ESCO2: variants seen among roughly 807,000 people sequenced by gnomAD.
ESCO2 encodes the protein N-acetyltransferase ESCO2.
Under a neutral mutation model 61.7 loss-of-function variants are expected in ESCO2, and 51 were observed. The observed-to-expected ratio is 0.83, with a 90% CI of 0.66 to 1.04. ESCO2 has a LOEUF of 1.04. Ranked by LOEUF, ESCO2 falls within the 50% of genes least tolerant of loss-of-function variation. The pLI is 0.00. For missense variants in ESCO2, 692 were observed against 686.2 expected (o/e 1.01, Z -0.09); for synonymous variants, 230 against 238.2 (o/e 0.97, Z 0.32).
chr8:27,788,443 TA>T (rs986803530), intron 6 of ESCO2, among the ~76,000 whole-genome samples: 2 of 152,130 alleles, frequency 1.3e-5, no homozygotes, highest in African/African-American at 4.8e-5. Context: ...CTTGTAAAAA[TA>T]AAAAAATCTT....
chr8:27,772,388 G>A, upstream of ESCO2: 1 of 906,070 alleles, frequency 1.1e-6, no homozygotes, highest in Non-Finnish European at 1.8e-6. Flanking sequence ...CCGAGAGGCC[G>A]CGGGAAGAGG....
At chr8:27,815,254 A>G (rs1039112540), downstream of ESCO2, among the ~76,000 whole-genome samples, 10 of 152,366 alleles carry the variant, frequency 6.6e-5, no homozygotes, top group Admixed American at 6.5e-4. Context: ...ATTCCAGTTA[A>G]CAAGCACTCA....
Position 27,780,286 on chromosome 8 carries a change from GA to G in ESCO2, c.955+21del. 1.4e-6 allele frequency: 2 copies of G among 1,386,440 alleles called. No individual in the cohort carries two copies. The highest frequency in any genetic ancestry group is 2.3e-5 in the South Asian group (2 of 86,084). 85.9% of individuals were successfully genotyped at this position (1,386,440 alleles called of 1,614,324 possible). A position where few individuals can be genotyped will look rare whatever the true frequency, so the allele number is the denominator to read the frequency against. ...AAGACAAGTAAGAGAAAACTCGCAT[GA>G]ATTTAGCTGCTTAAAATAATGCTTT... On this transcript the variant is annotated intron_variant, in intron 4 of 10. Coordinates refer to ENST00000305188, the MANE Select transcript of ESCO2 (RefSeq NM_001017420.3).
chr8:27,798,493 A>G (rs1805353859), intron 9 of ESCO2, among the ~76,000 whole-genome samples: 1 of 152,046 alleles, frequency 6.6e-6, no homozygotes, highest in African/African-American at 2.4e-5. Flanking sequence ...TGTATTTACT[A>G]TATGATCCAG....
chr8:27,802,630 A>AAAAATAT (rs1554557661), intron 10 of ESCO2, among the ~76,000 whole-genome samples: 19 of 45,836 alleles, frequency 4.1e-4, no homozygotes, highest in African/African-American at 1.4e-3. Flanking sequence ...AAAAAAAAAA[A>AAAAATAT]ATATATATAT....
chr8:27,806,106 T>C (rs1258784267), downstream of ESCO2, among the ~76,000 whole-genome samples: 1 of 152,180 alleles, frequency 6.6e-6, no homozygotes, highest in African/African-American at 2.4e-5. Flanking sequence ...TGCATGGAAA[T>C]TTCTAGAAGT....
rs369338792 is a variant in ESCO2, at chr8:27,780,282, G to C, written c.955+15G>C. The C allele has an allele frequency of 8.7e-6, 13 of 1,492,962 alleles. No individual in the cohort carries two copies. The African/African-American group carries it at 1.2e-4, about 14-fold the overall frequency. 92.5% of individuals were successfully genotyped at this position (1,492,962 alleles called of 1,614,324 possible). ...GAATAAGACAAGTAAGAGAAAACTC[G>C]CATGAATTTAGCTGCTTAAAATAAT... On this transcript the variant is annotated intron_variant, in intron 4 of 10. Coordinates refer to ENST00000305188, the MANE Select transcript of ESCO2 (RefSeq NM_001017420.3).
intron 4 of ESCO2, 36 bp from the exon 5 acceptor site, chr8:27,783,964 T>C (rs1394832388): frequency 6.5e-7 from 1 of 1,532,664 alleles, no homozygotes; most frequent in Non-Finnish European, 9.0e-7. Flanking sequence ...TGATTTTATT[T>C]GGTAATACAC....
chr8:27,782,758 A>G lies in ESCO2; in HGVS notation c.956-1242A>G, dbSNP rs142866954. ...TTTTTTAGGATGACAGGCGTGAGCCACTGCACTCGGCCTAGAGTGCAATTT... is the reference window on the plus strand; with the variant it reads ...TTTTTTAGGATGACAGGCGTGAGCCGCTGCACTCGGCCTAGAGTGCAATTT... On this transcript the variant is annotated intron_variant, in intron 4 of 10. Transcript: ENST00000305188. 3.2e-4 allele frequency among the ~76,000 whole-genome samples: 49 copies of G among 151,422 alleles called. 3 individuals are homozygous for G. In the East Asian group the frequency reaches 9.5e-3, roughly 29 times the overall value.
Position 27,803,481 on chromosome 8 carries a change from A to C in ESCO2, c.*43A>C. The stretch of plus-strand genomic sequence containing the variant: ...AAGGAGTTACTATCTGGATAAGTTC[A>C]AAGAGCTCCTTATTATAAAATACAA... On this transcript the variant is annotated 3_prime_UTR_variant, in exon 11 of 11. Transcript: ENST00000305188. 6.2e-7 allele frequency: 1 copy of C among 1,608,034 alleles called. No homozygotes were observed. The highest frequency in any genetic ancestry group is 8.5e-7 in the Non-Finnish European group (1 of 1,175,784).
downstream of ESCO2, among the ~76,000 whole-genome samples, chr8:27,809,143 G>C (rs1805620027): frequency 6.6e-6 from 1 of 152,182 alleles, no homozygotes; most frequent in South Asian, 2.1e-4. Context: ...GCTTGGCAAA[G>C]AAGAGTGACA....
Position 27,776,613 on chromosome 8 carries a change from TAA to T in ESCO2, c.308_309del (p.Lys103ArgfsTer3), listed in dbSNP as rs80359847. On this transcript the variant is annotated frameshift_variant, in exon 3 of 11. Transcript: ENST00000305188. LOFTEE classifies it high-confidence loss of function. The stretch of plus-strand genomic sequence containing the variant: ...CTCAATCCACTGGAGAGAAAGCTGA[TAA>T]AAGAGAGTAGATCTACTTGTCTAAA... 17 of 1,613,924 alleles carry T rather than the reference TAA, an allele frequency of 1.1e-5. No homozygotes were observed. Among genetic ancestry groups the T allele is most frequent in the East Asian group, 2.2e-5 (1 of 44,878 alleles).
chr8:27,810,914 T>A (rs1465003612), downstream of ESCO2: 1 of 1,211,426 alleles, frequency 8.3e-7, no homozygotes, highest in African/African-American at 1.5e-5. Flanking sequence ...ATCTTTAGTG[T>A]GAAATGAAGA....
chr8:27,810,198 T>C (rs1164921795), downstream of ESCO2: 9 of 729,924 alleles, frequency 1.2e-5, no homozygotes, highest in Non-Finnish European at 2.1e-5. Flanking sequence ...GAAACTATGG[T>C]CCTCAAATAT....
chr8:27,818,150 G>A, the ESCO2 span, among the ~76,000 whole-genome samples: 103 of 152,294 alleles, frequency 6.8e-4, no homozygotes, highest in Middle Eastern at 0.01. Context: ...AGGTGCTAAT[G>A]GCCATGCAGC....
intron 9 of ESCO2, among the ~76,000 whole-genome samples, chr8:27,798,160 C>CT (rs966955476): frequency 1.3e-5 from 2 of 152,120 alleles, no homozygotes; most frequent in African/African-American, 4.8e-5. Flanking sequence ...TTTGAAGTTT[C>CT]TTTAAAAACT....
intron 3 of ESCO2, chr8:27,777,680 C>G (rs1400579548): frequency 6.6e-6 from 1 of 152,436 alleles, no homozygotes; most frequent in East Asian, 1.9e-4. Context: ...ACTTCTGTTG[C>G]TGACCTCCTG....
rs898838558 is a variant in ESCO2, at chr8:27,803,222, CAA to C, written c.1674-83_1674-82del. ...TACTAAAAATAAGGTTGATTTAAGT[CAA>C]GAGTATTTACTTAAATTGTGCTCAT... On this transcript the variant is annotated intron_variant, in intron 10 of 10. Transcript: ENST00000305188. The C allele has an allele frequency of 2.0e-5, 24 of 1,227,854 alleles. No individual in the cohort carries two copies. The South Asian group carries it at 2.6e-4, about 13-fold the overall frequency. 76.1% of individuals were successfully genotyped at this position (1,227,854 alleles called of 1,614,324 possible).
chr8:27,792,037 C>T lies in ESCO2; in HGVS notation c.1338C>T (p.Ser446=), dbSNP rs765473703. The stretch of plus-strand genomic sequence containing the variant: ...TGTTGGTTCTGCCACATGATCCAAG[C>T]TTTGCTATCAAAAAGGTATGGAACA... ...KIVLVLPHDP[S]FAIKKVEDVQ... is the part of the protein sequence containing the mutation. Residue 446 remains serine (S), a synonymous_variant, in exon 8 of 11, where the codon AGC becomes AGT. Coordinates refer to ENST00000305188, the MANE Select transcript of ESCO2 (RefSeq NM_001017420.3). 3.0e-5 allele frequency: 49 copies of T among 1,613,896 alleles called. No homozygotes were observed. The highest frequency in any genetic ancestry group is 3.4e-6 in the Non-Finnish European group (4 of 1,179,986).
Sources: allele counts gnomAD v4.1 joint callset (sites outside exome capture counted in the v4.1 genomes callset), GRCh38; gene constraint gnomAD v4.1.1; transcripts MANE v1.5; gene names NCBI Gene and HGNC (gene_info 2026-07-23, HGNC 2026-07-21).